The following GPC5 variants were observed in gnomAD, a reference collection of about 807,000 sequenced individuals.
GPC5 encodes glypican-5.
GPC5 carries 47 observed loss-of-function variants against 53.9 expected under a neutral mutation model. That is an observed-to-expected ratio of 0.87 (90% CI 0.69 to 1.11). The LOEUF is 1.11. GPC5 is among the 50% of genes most tolerant of loss of function. The probability of loss-of-function intolerance (pLI) is 0.00; values close to 1 mark genes in which losing one functional copy is unlikely to be tolerated. For synonymous variants in GPC5, 286 were observed against 263.3 expected, an observed-to-expected ratio of 1.09 and a Z score of -0.84; for missense variants, 748 against 713.1, an observed-to-expected ratio of 1.05 and a Z score of -0.56.
In GPC5 at chr13:92,616,765, T is replaced by C. The variant is rs1171727420; in HGVS notation, c.1562-249517T>C. Among the ~76,000 whole-genome samples, 4 of 152,166 alleles carry C rather than the reference T, an allele frequency of 2.6e-5. No homozygotes were observed. The East Asian group carries it at 7.7e-4, about 29-fold the overall frequency. ...TGCTGTAACATAGGATTATCTCTTG[T>C]GAAACTTCATGTATGAAATAATAGA... On this transcript the variant is annotated intron_variant, in intron 7 of 7. Coordinates refer to ENST00000377067, the MANE Select transcript of GPC5 (RefSeq NM_004466.6).
intron 2 of GPC5, among the ~76,000 whole-genome samples, chr13:91,511,820 A>G (rs1181834097): frequency 6.6e-6 from 1 of 151,982 alleles, no homozygotes; most frequent in Non-Finnish European, 1.5e-5. Flanking sequence ...TAATGTATAC[A>G]TCTTGGGCGT....
intron 2 of GPC5, among the ~76,000 whole-genome samples, chr13:91,637,474 C>G (rs536915188): frequency 6.6e-6 from 1 of 152,126 alleles, no homozygotes; most frequent in African/African-American, 2.4e-5. Context: ...TGCTTACTGT[C>G]TGTGGACAAG....
intron 7 of GPC5, among the ~76,000 whole-genome samples, chr13:92,572,211 GA>G (rs1883048762): frequency 6.6e-6 from 1 of 152,016 alleles, no homozygotes; most frequent in South Asian, 2.1e-4. Flanking sequence ...TTTTCCTTCA[GA>G]ATTAAATATC....
intron 5 of GPC5, among the ~76,000 whole-genome samples, chr13:91,815,395 T>A (rs913736339): frequency 1.3e-5 from 2 of 152,074 alleles, no homozygotes; most frequent in African/African-American, 4.8e-5. Flanking sequence ...TGCATTGCTC[T>A]TGGTGGATAA....
chr13:92,247,910 T>C (rs1434238803), intron 7 of GPC5, among the ~76,000 whole-genome samples: 1 of 152,122 alleles, frequency 6.6e-6, no homozygotes, highest in East Asian at 1.9e-4. Context: ...TATTGCAGTA[T>C]CCTTTGATAG....
At chr13:92,281,312 C>T (rs2042913994) in intron 7 of GPC5, among the ~76,000 whole-genome samples, 2 of 152,188 alleles carry the variant, frequency 1.3e-5, no homozygotes, top group South Asian at 2.1e-4. Flanking sequence ...GTAGACTCCA[C>T]CTCTGGGGGC....
Position 92,600,519 on chromosome 13 carries a change from C to T in GPC5, c.1562-265763C>T, listed in dbSNP as rs368381525. Among the ~76,000 whole-genome samples, 38 of 151,756 alleles carry T rather than the reference C, an allele frequency of 2.5e-4. 1 individual carries two copies. The highest frequency in any genetic ancestry group is 5.8e-4 in the East Asian group (3 of 5,160). On this transcript the variant is annotated intron_variant, in intron 7 of 7. Transcript: ENST00000377067. The stretch of plus-strand genomic sequence containing the variant: ...TCATTCATTCATTTATTCTTTAAGA[C>T]GGAATTTCGCTCTTGTCACCCAGGC...
At chr13:92,431,746 A>G (rs1877096228) in intron 7 of GPC5, among the ~76,000 whole-genome samples, 1 of 152,170 alleles carries the variant, frequency 6.6e-6, no homozygotes, top group African/African-American at 2.4e-5. Context: ...CACTCTGACC[A>G]TGAGTTGAAA....
intron 7 of GPC5, among the ~76,000 whole-genome samples, chr13:92,152,379 AT>A (rs1472961586): frequency 2.0e-5 from 3 of 152,298 alleles, no homozygotes; most frequent in East Asian, 3.9e-4. Flanking sequence ...TCTTCAAGTG[AT>A]TTTTTTGTGA....
intron 6 of GPC5, among the ~76,000 whole-genome samples, chr13:92,143,428 G>A (rs1190124538): frequency 1.3e-5 from 2 of 151,856 alleles, no homozygotes; most frequent in African/African-American, 2.4e-5. Context: ...CTTCATTGCT[G>A]TACTATCCCT....
chr13:92,508,560 A>G (rs936925643), intron 7 of GPC5, among the ~76,000 whole-genome samples: 1 of 152,210 alleles, frequency 6.6e-6, no homozygotes, highest in Admixed American at 6.5e-5. Flanking sequence ...GTATGGAGAC[A>G]TTAAGTAACT....
At chr13:91,720,344 G>A (rs1234687961) in intron 3 of GPC5, among the ~76,000 whole-genome samples, 2 of 152,156 alleles carry the variant, frequency 1.3e-5, no homozygotes, top group African/African-American at 4.8e-5. Context: ...ATGAATTTTA[G>A]TCTTCATTTT....
chr13:91,715,915 A>G (rs2139932830), intron 3 of GPC5, among the ~76,000 whole-genome samples: 1 of 152,128 alleles, frequency 6.6e-6, no homozygotes, highest in East Asian at 1.9e-4. Flanking sequence ...CTGGGACTAC[A>G]GGTGCACAGC....
chr13:92,159,748 G>A (rs145576148), intron 7 of GPC5, among the ~76,000 whole-genome samples: 1,657 of 151,012 alleles, frequency 0.011, 30 homozygotes, highest in African/African-American at 0.036. Context: ...GACTACAGGC[G>A]CCCGTCACCA....
At chr13:92,226,875 C>T (rs2042490784) in intron 7 of GPC5, among the ~76,000 whole-genome samples, 1 of 152,010 alleles carries the variant, frequency 6.6e-6, no homozygotes, top group South Asian at 2.1e-4. Flanking sequence ...CCTGCGATTG[C>T]AGGCGTGAGC....
At chr13:92,821,369 C>T (rs1877666427) in intron 7 of GPC5, among the ~76,000 whole-genome samples, 1 of 152,104 alleles carries the variant, frequency 6.6e-6, no homozygotes. Flanking sequence ...TTAAGAACAG[C>T]CAATTCATAA....
chr13:92,370,279 A>G (rs894807452), intron 7 of GPC5, among the ~76,000 whole-genome samples: 1 of 152,198 alleles, frequency 6.6e-6, no homozygotes, highest in Admixed American at 6.5e-5. Context: ...GGAGGATTGC[A>G]TTATTCACCT....
chr13:91,953,636 C>T (rs2040047479), intron 6 of GPC5, among the ~76,000 whole-genome samples: 1 of 152,144 alleles, frequency 6.6e-6, no homozygotes, highest in South Asian at 2.1e-4. Flanking sequence ...GATTGGTTAG[C>T]TTATAAACAA....
At chr13:92,019,595 A>G (rs1489518033) in intron 6 of GPC5, among the ~76,000 whole-genome samples, 1 of 152,072 alleles carries the variant, frequency 6.6e-6, no homozygotes, top group East Asian at 1.9e-4. Context: ...GGCTGGTCTA[A>G]AATGTCCACT....
Sources: allele counts gnomAD v4.1 joint callset (sites outside exome capture counted in the v4.1 genomes callset), GRCh38; gene constraint gnomAD v4.1.1; transcripts MANE v1.5; gene names NCBI Gene and HGNC (gene_info 2026-07-23, HGNC 2026-07-21).